The following DEPTOR variants were observed in gnomAD, a reference collection of about 807,000 sequenced individuals.
DEPTOR encodes DEP domain-containing mTOR-interacting protein.
Under a neutral mutation model 41.6 loss-of-function variants are expected in DEPTOR, and 41 were observed. The ratio of observed to expected loss-of-function variants is 0.98; its 90% CI spans 0.77 to 1.28. The LOEUF (loss-of-function observed/expected upper bound fraction) is 1.28, where lower values mean the gene tolerates loss of function less well. DEPTOR is among the 50% of genes most tolerant of loss of function. The pLI, the probability that DEPTOR is intolerant of heterozygous loss-of-function variation, is 0.00. For synonymous variants in DEPTOR, 195 were observed against 192.3 expected (o/e 1.01, Z -0.12); for missense variants, 514 against 527.9 (o/e 0.97, Z 0.26).
At chr8:119,942,365 C>T (rs186613335) in intron 3 of DEPTOR, among the ~76,000 whole-genome samples, 81 of 152,296 alleles carry the variant, frequency 5.3e-4, no homozygotes, top group African/African-American at 1.9e-3. Context: ...GCCACCACGC[C>T]TGGCTAATTT....
chr8:119,921,748 G>GTTTTTTATTT (rs1827896792), intron 1 of DEPTOR, among the ~76,000 whole-genome samples: 1 of 131,134 alleles, frequency 7.6e-6, no homozygotes, highest in Non-Finnish European at 1.6e-5. Context: ...CTATTCTGTA[G>GTTTTTTATTT]TTTTTTTTTT....
chr8:119,877,442 C>CT (rs140247437), intron 1 of DEPTOR, among the ~76,000 whole-genome samples: 2,831 of 152,286 alleles, frequency 0.019, 88 homozygotes, highest in African/African-American at 0.063. Context: ...ATTCTTGTCA[C>CT]TTTCACAAAG....
At chr8:119,886,957 T>C (rs1827372203) in intron 1 of DEPTOR, among the ~76,000 whole-genome samples, 1 of 152,146 alleles carries the variant, frequency 6.6e-6, no homozygotes, top group Non-Finnish European at 1.5e-5. Context: ...CCAAGTGAAA[T>C]AAGAGAAGGC....
At chr8:120,038,860 G>A (rs1420238111) in intron 8 of DEPTOR, among the ~76,000 whole-genome samples, 1 of 152,122 alleles carries the variant, frequency 6.6e-6, no homozygotes, top group African/African-American at 2.4e-5. Context: ...TCAATCGTGA[G>A]ATGGAAATAA....
intron 4 of DEPTOR, among the ~76,000 whole-genome samples, chr8:119,998,496 T>G (rs990432939): frequency 1.1e-4 from 16 of 152,162 alleles, no homozygotes; most frequent in African/African-American, 3.9e-4. Flanking sequence ...TCTATTCAAG[T>G]TTTTTGCTTC....
chr8:120,021,488 C>A (rs1315468172), intron 8 of DEPTOR, among the ~76,000 whole-genome samples: 1 of 152,158 alleles, frequency 6.6e-6, no homozygotes, highest in Non-Finnish European at 1.5e-5. Flanking sequence ...TTCTGGGTGT[C>A]ATTTATTATA....
chr8:119,914,804 G>A (rs964578142), intron 1 of DEPTOR, among the ~76,000 whole-genome samples: 5 of 152,232 alleles, frequency 3.3e-5, no homozygotes, highest in Admixed American at 6.5e-5. Context: ...AACCGTAGGA[G>A]GTGGGGCTCA....
At chr8:119,874,023 G>C (rs983101822) in intron 1 of DEPTOR, 55 bp downstream of exon 1, 13 of 1,605,764 alleles carry the variant, frequency 8.1e-6, no homozygotes, top group Non-Finnish European at 1.0e-5. Context: ...ACGCGTGCCC[G>C]CTGCAGTCCT....
chr8:119,972,376 A>C (rs1828643952), intron 4 of DEPTOR, among the ~76,000 whole-genome samples: 1 of 152,186 alleles, frequency 6.6e-6, no homozygotes, highest in Admixed American at 6.5e-5. Flanking sequence ...TAATCCCAGC[A>C]CTTTGGGAGG....
intron 8 of DEPTOR, among the ~76,000 whole-genome samples, chr8:120,022,168 A>AAAAAAAAAAAAAAAAAAAAAAAAC: frequency 6.6e-6 from 1 of 151,302 alleles, no homozygotes; most frequent in Non-Finnish European, 1.5e-5. Context: ...AAAAAAAAAA[A>AAAAAAAAAAAAAAAAAAAAAAAAC]AAAAAAAAAA....
intron 3 of DEPTOR, among the ~76,000 whole-genome samples, chr8:119,957,747 C>G (rs764067891): frequency 1.3e-5 from 2 of 152,066 alleles, no homozygotes; most frequent in Non-Finnish European, 1.5e-5. Context: ...CGCCACCATG[C>G]CCGGCTAATT....
At chr8:119,882,049 C>A (rs1343575969) in intron 1 of DEPTOR, among the ~76,000 whole-genome samples, 2 of 152,100 alleles carry the variant, frequency 1.3e-5, no homozygotes, top group Non-Finnish European at 2.9e-5. Context: ...CGCCACCACG[C>A]CCGGCTAATT....
At chr8:120,040,913 T>C (rs1257537985) in intron 8 of DEPTOR, among the ~76,000 whole-genome samples, 2 of 152,220 alleles carry the variant, frequency 1.3e-5, no homozygotes, top group East Asian at 3.9e-4. Flanking sequence ...TTCTGTATCA[T>C]TTAATCGGGC....
At chr8:119,988,559 T>C (rs545975951) in intron 4 of DEPTOR, among the ~76,000 whole-genome samples, 1 of 152,342 alleles carries the variant, frequency 6.6e-6, no homozygotes, top group African/African-American at 2.4e-5. Context: ...CTTGGTTCAC[T>C]GTAACCTCTG....
chr8:119,978,117 C>A (rs1291513405), intron 4 of DEPTOR, among the ~76,000 whole-genome samples: 1 of 152,196 alleles, frequency 6.6e-6, no homozygotes, highest in African/African-American at 2.4e-5. Flanking sequence ...TCAGTCCTGA[C>A]AGCTCGTCAC....
Position 119,947,617 on chromosome 8 carries a change from A to G in DEPTOR, c.426-17615A>G, listed in dbSNP as rs542510722. ...GGTTTGTTTACTTTGCTTCCTCCTG[A>G]TCTTCCAAAGTGGAAATTTTGCCTT... On this transcript the variant is annotated intron_variant, in intron 3 of 8. Coordinates refer to ENST00000286234, the MANE Select transcript of DEPTOR (RefSeq NM_022783.4). 2.0e-5 allele frequency among the ~76,000 whole-genome samples: 3 copies of G among 152,262 alleles called. No homozygotes were observed. In the South Asian group the frequency reaches 6.2e-4, roughly 32 times the overall value.
At chr8:119,906,878 G>A (rs1044567455) in intron 1 of DEPTOR, among the ~76,000 whole-genome samples, 3 of 152,142 alleles carry the variant, frequency 2.0e-5, no homozygotes, top group Non-Finnish European at 2.9e-5. Flanking sequence ...GAGCATTCGC[G>A]TTGTTCATCA....
At chr8:119,900,356 A>AATTGTCT (rs71304919) in intron 1 of DEPTOR, among the ~76,000 whole-genome samples, 48,824 of 104,466 alleles carry the variant, frequency 0.47, 13,699 homozygotes, top group East Asian at 0.92. Flanking sequence ...AAAAAAAACT[A>AATTGTCT]AATGTCTATT....
intron 1 of DEPTOR, among the ~76,000 whole-genome samples, chr8:119,924,485 G>A (rs11984866): frequency 0.19 from 29,154 of 151,974 alleles, 3,084 homozygotes; most frequent in Middle Eastern, 0.34. Context: ...GCTTCTGGGT[G>A]GTGAGAGTCT....
Sources: gnomAD v4.1 joint callset for allele counts (sites outside exome capture counted in the v4.1 genomes callset) on GRCh38, gnomAD v4.1.1 for gene constraint, MANE v1.5 for transcripts, NCBI Gene and HGNC (gene_info 2026-07-23, HGNC 2026-07-21) for gene names.